THY1: variants seen among roughly 807,000 people sequenced by gnomAD.
THY1 encodes thy-1 membrane glycoprotein.
THY1 carries 10 observed loss-of-function variants against 14.9 expected under a neutral mutation model. That is an observed-to-expected ratio of 0.67 (90% CI 0.41 to 1.14). The LOEUF (loss-of-function observed/expected upper bound fraction) is 1.14. Among genes scored for constraint, THY1 ranks in the 50% most tolerant of loss-of-function variants. The pLI is 0.00. For synonymous variants in THY1, 80 were observed against 90.0 expected, an observed-to-expected ratio of 0.89 and a Z score of 0.63; for missense variants, 159 against 202.1, an observed-to-expected ratio of 0.79 and a Z score of 1.29.
chr11:119,419,489 C>T lies in THY1; in HGVS notation c.405G>A (p.Leu135=), dbSNP rs1195562374. ...DKLVKCEGIS[L]LAQNTSWLLL... is the part of the protein sequence containing the mutation. ...GCAGCCACGAGGTGTTCTGAGCCAG[C>T]AGGCTGATGCCCTCACACTTGACCA... The change falls in exon 4 of 4, where the codon CTG becomes CTA. Residue 135 remains leucine (L), a synonymous_variant. Coordinates refer to ENST00000284240, the MANE Select transcript of THY1 (RefSeq NM_006288.5). 1 of 1,613,532 alleles carries T rather than the reference C, an allele frequency of 6.2e-7. No homozygotes were observed. The highest frequency in any genetic ancestry group is 1.1e-5 in the South Asian group (1 of 91,050).
chr11:119,419,801 A>T (rs1353577330), intron 3 of THY1: 1 of 602,578 alleles, frequency 1.7e-6, no homozygotes, highest in Non-Finnish European at 2.9e-6. Context: ...CCGCTGGGAG[A>T]AGGAAGATTA....
At position 119,422,616 on chromosome 11, in the gene THY1, G is replaced by T. The variant is rs981903919; in HGVS notation, c.-25+497C>A. 2 of 147,988 alleles carry T rather than the reference G, an allele frequency of 1.4e-5. No homozygotes were observed. The highest frequency in any genetic ancestry group is 2.7e-5 in the African/African-American group (1 of 36,504). 9.2% of individuals were successfully genotyped at this position (147,988 alleles called of 1,614,324 possible). On this transcript the variant is annotated intron_variant, in intron 1 of 3. Coordinates refer to ENST00000284240, the MANE Select transcript of THY1 (RefSeq NM_006288.5). The surrounding 1 kb of genome is among the most constrained non-coding windows in gnomAD (Gnocchi z 7.0). Reference sequence around the variant, plus strand: ...TTTCCAGCTCTCCCCTCCCCCGTCCGCCCGCCTTCCACCCAGTCCCCGCCT... The same window carrying T: ...TTTCCAGCTCTCCCCTCCCCCGTCCTCCCGCCTTCCACCCAGTCCCCGCCT...
Position 119,419,106 on chromosome 11 carries a change from A to G in THY1, c.*302T>C, listed in dbSNP as rs1861839273. On this transcript the variant is annotated 3_prime_UTR_variant, in exon 4 of 4. Transcript: ENST00000284240. The stretch of plus-strand genomic sequence containing the variant: ...GCTCTCACTCTCCATCAGGTCCCCA[A>G]TCCTGGCTTCCCTCTTCACGAACTC... 7.8e-6 allele frequency: 3 copies of G among 383,164 alleles called. No individual in the cohort carries two copies. Among genetic ancestry groups the G allele is most frequent in the South Asian group, 2.1e-5 (1 of 47,018 alleles). The allele number at this position is 383,164 out of a possible 1,614,324, so 23.7% of individuals were successfully genotyped here.
Position 119,419,258 on chromosome 11 carries a change from G to A in THY1, c.*150C>T, listed in dbSNP as rs1324810333. The A allele has an allele frequency of 5.5e-6, 4 of 731,076 alleles. No individual in the cohort carries two copies. The Admixed American group carries it at 6.0e-5, about 11-fold the overall frequency. 45.3% of individuals were successfully genotyped at this position (731,076 alleles called of 1,614,324 possible). On this transcript the variant is annotated 3_prime_UTR_variant, in exon 4 of 4. Transcript: ENST00000284240. ...GCCGCGTGGACGTGGGTAGATAATC[G>A]CATGCAGCACTGGAACTCCTGATGA... is the stretch of plus-strand genomic sequence containing the variant.
intron 1 of THY1, 56 bp from the exon 2 acceptor site, chr11:119,420,985 C>T: frequency 1.3e-6 from 2 of 1,539,406 alleles, no homozygotes; most frequent in Middle Eastern, 1.7e-4. Flanking sequence ...ACCACCAGGG[C>T]TGGGGGTCCC....
At chr11:119,421,951 T>C in intron 1 of THY1, 1 of 152,280 alleles carries the variant, frequency 6.6e-6, no homozygotes, top group Non-Finnish European at 1.5e-5. Flanking sequence ...TTTTTTGTTT[T>C]TTGCAGCCTT....
chr11:119,418,896 A>G lies in THY1; in HGVS notation c.*512T>C, dbSNP rs1861834605. On this transcript the variant is annotated 3_prime_UTR_variant, in exon 4 of 4. Coordinates refer to ENST00000284240, the MANE Select transcript of THY1 (RefSeq NM_006288.5). ...GCCACAAATTCTTGGTGGTGCCCTC[A>G]CATCTGGGGTCTTCAGGCACCAGCC... 1 of 169,244 alleles carries G rather than the reference A, an allele frequency of 5.9e-6. No individual in the cohort carries two copies. Among genetic ancestry groups the G allele is most frequent in the Non-Finnish European group, 1.3e-5 (1 of 78,424 alleles). The allele number at this position is 169,244 out of a possible 1,614,324, so 10.5% of individuals were successfully genotyped here. A position where few individuals can be genotyped will look rare whatever the true frequency, so the allele number is the denominator to read the frequency against.
upstream of THY1, chr11:119,423,177 C>G: frequency 2.2e-6 from 1 of 455,526 alleles, no homozygotes; most frequent in Non-Finnish European, 4.4e-6. Flanking sequence ...GTTGCTGCAC[C>G]CAGCTCGGAG....
rs1002610108 is a variant in THY1, at chr11:119,420,355, G to T, written c.69C>A (p.Thr23=). 6.2e-7 allele frequency: 1 copy of T among 1,613,746 alleles called. No homozygotes were observed. The highest frequency in any genetic ancestry group is 8.5e-7 in the Non-Finnish European group (1 of 1,179,944). ...GGTCCACTAGGCAGGCCGTTAGGCT[G>T]GTCACCTTCTGCCCTCGGGAGACCT... ...VLQVSRGQKV[T]SLTACLVDQS... is the part of the protein sequence containing the mutation. Residue 23 remains threonine (T), a synonymous_variant, in exon 3 of 4, where the codon ACC becomes ACA. Transcript: ENST00000284240.
Position 119,419,565 on chromosome 11 carries a change from G to A in THY1, c.374-45C>T, listed in dbSNP as rs200851368. 2.0e-5 allele frequency: 30 copies of A among 1,518,992 alleles called. No individual in the cohort carries two copies. In the Admixed American group the frequency reaches 2.2e-4, roughly 11 times the overall value. 94.1% of individuals were successfully genotyped at this position (1,518,992 alleles called of 1,614,324 possible). ...CCGGGGGCAGGGTAGGAAGGAAGAC[G>A]GATCAGGACTCAGGCAGGCACAGGC... On this transcript the variant is annotated intron_variant, in intron 3 of 3. Transcript: ENST00000284240.
In THY1 at chr11:119,416,822, C is replaced by T. The variant is rs776182839; in HGVS notation, c.*2586G>A. On this transcript the variant is annotated 3_prime_UTR_variant, in exon 4 of 4. Coordinates refer to ENST00000284240, the MANE Select transcript of THY1 (RefSeq NM_006288.5). ...CTCTTCTCCTTTCCGAAGTCCGTGG[C>T]CCTCTGGTGGCCTCTGTGGCTTCTT... Among the ~76,000 whole-genome samples, 6 of 152,216 alleles carry T rather than the reference C, an allele frequency of 3.9e-5. No homozygotes were observed. The highest frequency in any genetic ancestry group is 5.9e-5 in the Non-Finnish European group (4 of 68,028).
upstream of THY1, chr11:119,424,970 CA>C (rs1256896643): frequency 1.3e-5 from 2 of 152,272 alleles, no homozygotes; most frequent in African/African-American, 4.8e-5. Flanking sequence ...TCCTGCTTAA[CA>C]GCTTTCTGAT....
chr11:119,419,301 TCTC>T lies in THY1; in HGVS notation c.*104_*106del, dbSNP rs1470033590. 6.7e-6 allele frequency: 7 copies of T among 1,038,424 alleles called. No homozygotes were observed. The highest frequency in any genetic ancestry group is 2.0e-4 in the Middle Eastern group (1 of 5,054). The allele number at this position is 1,038,424 out of a possible 1,614,324, so 64.3% of individuals were successfully genotyped here. On this transcript the variant is annotated 3_prime_UTR_variant, in exon 4 of 4. Transcript: ENST00000284240. ...CCTGATGAGGGGTGGGGTCCCCACT[TCTC>T]CTCAAGGTTTGAGGGATTGGGGGGA...
Position 119,422,040 on chromosome 11 carries a change from C to CCA in THY1, c.-25+1071_-25+1072dup, listed in dbSNP as rs1861913746. On this transcript the variant is annotated intron_variant, in intron 1 of 3. Transcript: ENST00000284240. The surrounding 1 kb of genome is among the most constrained non-coding windows in gnomAD (Gnocchi z 7.0). ...CAGAGCAGTGCTCGCCCAGGAGAGG[C>CCA]CACAGAAGGGGCGTGCACCCGCGAG... The CCA allele has an allele frequency of 6.6e-6, 1 of 152,306 alleles. No individual in the cohort carries two copies. The highest frequency in any genetic ancestry group is 2.4e-5 in the African/African-American group (1 of 41,468). The allele number at this position is 152,306 out of a possible 1,614,324, so 9.4% of individuals were successfully genotyped here. A position where few individuals can be genotyped will look rare whatever the true frequency, so the allele number is the denominator to read the frequency against.
At position 119,419,195 on chromosome 11, in the gene THY1, C is replaced by T. The variant is rs569954227; in HGVS notation, c.*213G>A. ...AGAAGCAGCTCTGGAACAAAAAGTA[C>T]AAAAAGACAGCCAGAGGTGTGCGGA... On this transcript the variant is annotated 3_prime_UTR_variant, in exon 4 of 4. Coordinates refer to ENST00000284240, the MANE Select transcript of THY1 (RefSeq NM_006288.5). The T allele has an allele frequency of 1.2e-4, 71 of 603,642 alleles. No homozygotes were observed. The highest frequency in any genetic ancestry group is 2.1e-4 in the Non-Finnish European group (67 of 324,734). The allele number at this position is 603,642 out of a possible 1,614,324, so 37.4% of individuals were successfully genotyped here. A position where few individuals can be genotyped will look rare whatever the true frequency, so the allele number is the denominator to read the frequency against.
Position 119,417,115 on chromosome 11 carries a change from T to C in THY1, c.*2293A>G, listed in dbSNP as rs1179775818. ...ACATTTCTCTGGCATTTGATCTCCC[T>C]TCCCCCACAGCAGCTCTTCTCACCA... On this transcript the variant is annotated 3_prime_UTR_variant, in exon 4 of 4. Coordinates refer to ENST00000284240, the MANE Select transcript of THY1 (RefSeq NM_006288.5). Among the ~76,000 whole-genome samples the C allele has an allele frequency of 6.6e-6, 1 of 152,220 alleles. No homozygotes were observed. The highest frequency in any genetic ancestry group is 2.4e-5 in the African/African-American group (1 of 41,478).
At position 119,422,039 on chromosome 11, in the gene THY1, G is replaced by C. The variant is rs945825023; in HGVS notation, c.-25+1074C>G. 6.6e-6 allele frequency: 1 copy of C among 152,330 alleles called. No homozygotes were observed. Among genetic ancestry groups the C allele is most frequent in the Non-Finnish European group, 1.5e-5 (1 of 68,102 alleles). 9.4% of individuals were successfully genotyped at this position (152,330 alleles called of 1,614,324 possible). A position where few individuals can be genotyped will look rare whatever the true frequency, so the allele number is the denominator to read the frequency against. On this transcript the variant is annotated intron_variant, in intron 1 of 3. Coordinates refer to ENST00000284240, the MANE Select transcript of THY1 (RefSeq NM_006288.5). The surrounding 1 kb of genome is among the most constrained non-coding windows in gnomAD (Gnocchi z 7.0). ...GCAGAGCAGTGCTCGCCCAGGAGAG[G>C]CCACAGAAGGGGCGTGCACCCGCGA...
intron 1 of THY1, chr11:119,421,985 C>A (rs1591360677): frequency 6.6e-6 from 1 of 152,388 alleles, no homozygotes; most frequent in Admixed American, 6.5e-5. Flanking sequence ...CTTGGCGAGG[C>A]GACGCGGAGC....
upstream of THY1, among the ~76,000 whole-genome samples, chr11:119,424,658 C>T (rs1861982604): frequency 6.6e-6 from 1 of 152,124 alleles, no homozygotes; most frequent in East Asian, 1.9e-4. Context: ...TGCAGCTGGC[C>T]TTGCCCACCT....
Sources: allele counts gnomAD v4.1 joint callset (sites outside exome capture counted in the v4.1 genomes callset), GRCh38; gene constraint gnomAD v4.1.1; non-coding constraint Gnocchi (gnomAD v3.1); transcripts MANE v1.5; gene names NCBI Gene and HGNC (gene_info 2026-07-23, HGNC 2026-07-21).